BBX: variants seen among roughly 807,000 people sequenced by gnomAD.
The protein encoded by BBX is BBX high mobility group box domain containing, also known as HMG box transcription factor BBX.
Under a neutral mutation model 100.2 loss-of-function variants are expected in BBX, and 30 were observed. The ratio of observed to expected loss-of-function variants is 0.30; its 90% confidence interval spans 0.22 to 0.41. The LOEUF (loss-of-function observed/expected upper bound fraction) is 0.41. Among genes scored for constraint, BBX ranks in the 10% least tolerant of loss-of-function variants. BBX has a pLI of 1.00. For missense variants in BBX, 1,023 were observed against 1,129.8 expected, an observed-to-expected ratio of 0.91 and a Z score of 1.35; for synonymous variants, 376 against 388.1, an observed-to-expected ratio of 0.97 and a Z score of 0.37.
intron 2 of BBX, among the ~76,000 whole-genome samples, chr3:107,610,880 A>C (rs1376212516): frequency 6.7e-6 from 1 of 148,772 alleles, no homozygotes; most frequent in South Asian, 2.1e-4. Flanking sequence ...GTTAGGACTT[A>C]CTCCTGCCAT....
At chr3:107,675,057 T>C (rs1305873677) in intron 3 of BBX, among the ~76,000 whole-genome samples, 1 of 152,152 alleles carries the variant, frequency 6.6e-6, no homozygotes, top group Non-Finnish European at 1.5e-5. Flanking sequence ...GTTTATGAAT[T>C]GTAAGAAATA....
In BBX at chr3:107,794,205, A is replaced by G. The variant is rs151105536; in HGVS notation, c.2353+2906A>G. ...TAGTTTACAGGGGGCTTTCATATAT[A>G]TGTATATATTTTTTTCAATTTCATC... is the stretch of plus-strand genomic sequence containing the variant. On this transcript the variant is annotated intron_variant, in intron 15 of 17. Coordinates refer to ENST00000325805, the MANE Select transcript of BBX (RefSeq NM_001142568.3). Among the ~76,000 whole-genome samples, 468 of 152,220 alleles carry G rather than the reference A, an allele frequency of 3.1e-3. 2 individuals are homozygous for G. Among genetic ancestry groups the G allele is most frequent in the African/African-American group, 0.01 (416 of 41,536 alleles).
At chr3:107,779,757 A>G (rs2067680671) in intron 13 of BBX, among the ~76,000 whole-genome samples, 2 of 152,092 alleles carry the variant, frequency 1.3e-5, no homozygotes, top group Non-Finnish European at 2.9e-5. Flanking sequence ...CTCTGGAGAA[A>G]CCTGAACCTT....
intron 4 of BBX, chr3:107,711,409 G>T: frequency 2.3e-6 from 1 of 435,698 alleles, no homozygotes; most frequent in Non-Finnish European, 4.7e-6. Flanking sequence ...GAATAAATGA[G>T]TACATATTTT....
intron 2 of BBX, among the ~76,000 whole-genome samples, chr3:107,592,864 T>C (rs950380199): frequency 6.6e-6 from 1 of 152,072 alleles, no homozygotes; most frequent in Non-Finnish European, 1.5e-5. Context: ...TATGGAAGAG[T>C]GGTTTTTTTA....
intron 3 of BBX, among the ~76,000 whole-genome samples, chr3:107,691,367 G>A (rs1459434852): frequency 1.3e-5 from 2 of 152,044 alleles, no homozygotes; most frequent in Non-Finnish European, 1.5e-5. Flanking sequence ...TTAGTACTTG[G>A]CTCTGGTTGG....
At chr3:107,800,461 T>G (rs989292295) in intron 16 of BBX, among the ~76,000 whole-genome samples, 1 of 152,254 alleles carries the variant, frequency 6.6e-6, no homozygotes, top group African/African-American at 2.4e-5. Context: ...AAAATTTCCC[T>G]TCTCTATAAT....
At chr3:107,538,274 T>C (rs1209674726) in intron 2 of BBX, among the ~76,000 whole-genome samples, 1 of 152,212 alleles carries the variant, frequency 6.6e-6, no homozygotes. Flanking sequence ...TTTGTAGTTT[T>C]CTGAAAAGTC....
At chr3:107,761,417 T>C (rs527806676) in intron 10 of BBX, among the ~76,000 whole-genome samples, 1 of 152,208 alleles carries the variant, frequency 6.6e-6, no homozygotes, top group South Asian at 2.1e-4. Context: ...CAGCTATGTA[T>C]GGAATGGAGT....
intron 2 of BBX, among the ~76,000 whole-genome samples, chr3:107,541,394 G>A (rs529840102): frequency 1.6e-4 from 25 of 152,160 alleles, no homozygotes; most frequent in Middle Eastern, 3.4e-3. Context: ...AAGAAAATCC[G>A]GTGCTAATTT....
Position 107,805,426 on chromosome 3 carries a change from C to G in BBX, c.2795C>G (p.Ala932Gly). The G allele has an allele frequency of 6.2e-7, 1 of 1,614,154 alleles. No individual in the cohort carries two copies. Among genetic ancestry groups the G allele is most frequent in the South Asian group, 1.1e-5 (1 of 91,080 alleles). ...HDGQPKEMPQ[A>G]PVLISCADQ ...GGACAGCCAAAAGAAATGCCGCAGG[C>G]TCCTGTACTTATTTCCTGCGCTGAC... The change falls in exon 18 of 18, where the codon GCT becomes GGT. Residue 932 changes from alanine to glycine, a missense_variant. Transcript: ENST00000325805.
chr3:107,779,018 TATACACAC>T (rs763804718), intron 13 of BBX, among the ~76,000 whole-genome samples: 7 of 82,908 alleles, frequency 8.4e-5, no homozygotes, highest in Admixed American at 5.2e-4. Context: ...TATATATATA[TATACACAC>T]ACACACACAC....
chr3:107,701,571 T>C (rs545939190), intron 3 of BBX, among the ~76,000 whole-genome samples: 1 of 152,318 alleles, frequency 6.6e-6, no homozygotes, highest in African/African-American at 2.4e-5. Context: ...GCTTCACCAA[T>C]TTCATGCTAG....
intron 2 of BBX, among the ~76,000 whole-genome samples, chr3:107,630,424 A>G (rs572596191): frequency 2.6e-5 from 4 of 152,028 alleles, no homozygotes; most frequent in Admixed American, 6.6e-5. Flanking sequence ...CGAGGGGGGA[A>G]CTCTGGTATT....
chr3:107,717,705 A>G (rs1247459248), intron 5 of BBX, among the ~76,000 whole-genome samples: 5 of 152,164 alleles, frequency 3.3e-5, no homozygotes, highest in Non-Finnish European at 7.4e-5. Context: ...AAATTTCTTC[A>G]AAAGTTGTAT....
At chr3:107,661,174 A>G (rs1018440477) in intron 3 of BBX, among the ~76,000 whole-genome samples, 3 of 152,202 alleles carry the variant, frequency 2.0e-5, no homozygotes, top group African/African-American at 4.8e-5. Context: ...TCTTAAAAAT[A>G]TCCTAGTGAG....
In BBX at chr3:107,733,007, C is replaced by T. The variant is rs1455380353; in HGVS notation, c.653C>T (p.Ala218Val). The T allele has an allele frequency of 6.2e-7, 1 of 1,612,964 alleles. No individual in the cohort carries two copies. Among genetic ancestry groups the T allele is most frequent in the Non-Finnish European group, 8.5e-7 (1 of 1,179,528 alleles). ...LSMLLLAGEH[A>V]LGTPEVSSGT... ...ATGCTGCTGTTAGCTGGAGAACATG[C>T]TCTTGGCACACCAGAGGTAAGCCAG... The change falls in exon 7 of 18, where the codon GCT (alanine) becomes GTT (valine). Residue 218 changes from alanine (A) to valine (V), a missense_variant. Physicochemically the swap from Ala to Val is moderately conservative, Grantham distance 64. Transcript: ENST00000325805.
intron 2 of BBX, among the ~76,000 whole-genome samples, chr3:107,552,116 C>T (rs544923245): frequency 1.5e-4 from 23 of 151,858 alleles, no homozygotes; most frequent in Middle Eastern, 3.4e-3. Context: ...CTGCGGCAGG[C>T]GGATCTCTTG....
At chr3:107,689,091 T>C (rs2108055633) in intron 3 of BBX, among the ~76,000 whole-genome samples, 1 of 152,348 alleles carries the variant, frequency 6.6e-6, no homozygotes, top group East Asian at 1.9e-4. Context: ...TTTTATTTTC[T>C]CCAGTTGGTT....
Sources: gnomAD v4.1 joint callset for allele counts (sites outside exome capture counted in the v4.1 genomes callset) on GRCh38, gnomAD v4.1.1 for gene constraint, MANE v1.5 for transcripts, NCBI Gene and HGNC (gene_info 2026-07-23, HGNC 2026-07-21) for gene names.